HOMER1: variants seen among roughly 807,000 people sequenced by gnomAD.
HOMER1 encodes homer scaffold protein 1.
HOMER1 carries 3 observed loss-of-function variants against 48.9 expected under a neutral mutation model. The ratio of observed to expected loss-of-function variants is 0.06; its 90% CI spans 0.03 to 0.16. HOMER1 has a LOEUF of 0.16. Among genes scored for constraint, HOMER1 ranks in the 10% least tolerant of loss-of-function variants. The pLI is 1.00. For missense variants in HOMER1, 247 were observed against 411.4 expected (o/e 0.60, Z 3.46); for synonymous variants, 134 against 146.4 (o/e 0.92, Z 0.61).
intron 3 of HOMER1, among the ~76,000 whole-genome samples, chr5:79,449,322 A>T (rs761878890): frequency 6.6e-6 from 1 of 152,250 alleles, no homozygotes; most frequent in Non-Finnish European, 1.5e-5. Context: ...TAATTTCTCA[A>T]CAGAACTGTT....
rs1327022134 is a variant in HOMER1, at chr5:79,457,127, A to G, written c.6-109T>C. 6.8e-6 allele frequency: 7 copies of G among 1,027,150 alleles called. 1 individual carries two copies. The highest frequency in any genetic ancestry group is 4.2e-5 in the Admixed American group (2 of 47,686). 63.6% of individuals were successfully genotyped at this position (1,027,150 alleles called of 1,614,324 possible). On this transcript the variant is annotated intron_variant, in intron 1 of 8. Transcript: ENST00000334082. ...ATTCTGCTTAATCAACAATTTCCACATACCTGAAAGTAAGAGAAACTTTCA... is the reference window on the plus strand; with the variant it reads ...ATTCTGCTTAATCAACAATTTCCACGTACCTGAAAGTAAGAGAAACTTTCA...
chr5:79,511,548 G>A (rs1752942239), intron 1 of HOMER1, among the ~76,000 whole-genome samples: 1 of 152,200 alleles, frequency 6.6e-6, no homozygotes, highest in Non-Finnish European at 1.5e-5. Context: ...ACTAATAGCA[G>A]CGCTAGAAAT....
At chr5:79,471,061 G>A (rs1271054960) in intron 1 of HOMER1, among the ~76,000 whole-genome samples, 6 of 152,144 alleles carry the variant, frequency 3.9e-5, no homozygotes, top group African/African-American at 1.4e-4. Context: ...GGGGTGGGGA[G>A]GCAGGATAAA....
intron 1 of HOMER1, among the ~76,000 whole-genome samples, chr5:79,501,144 T>C (rs1361201234): frequency 1.3e-4 from 20 of 151,186 alleles, no homozygotes; most frequent in Non-Finnish European, 1.5e-5. Flanking sequence ...CTAATGTTTG[T>C]ATTTTTTGTA....
intron 5 of HOMER1, among the ~76,000 whole-genome samples, chr5:79,406,490 C>G (rs1749666263): frequency 6.6e-6 from 1 of 152,200 alleles, no homozygotes; most frequent in African/African-American, 2.4e-5. Flanking sequence ...CCACAGACTT[C>G]TATCAGGTTC....
At chr5:79,503,042 C>G (rs1044338947) in intron 1 of HOMER1, among the ~76,000 whole-genome samples, 4 of 152,092 alleles carry the variant, frequency 2.6e-5, no homozygotes, top group Non-Finnish European at 4.4e-5. Flanking sequence ...CCGCCTTGGC[C>G]TCCCAAAGTG....
chr5:79,411,253 G>A (rs1436774673), intron 5 of HOMER1, among the ~76,000 whole-genome samples: 3 of 152,204 alleles, frequency 2.0e-5, no homozygotes, highest in African/African-American at 7.2e-5. Flanking sequence ...GGGAGGTAGA[G>A]GAGGGCAGAT....
At position 79,396,881 on chromosome 5, in the gene HOMER1, T is replaced by C. The variant is rs373906742; in HGVS notation, c.818A>G (p.Glu273Gly). The C allele has an allele frequency of 1.9e-6, 3 of 1,599,776 alleles. No homozygotes were observed. The highest frequency in any genetic ancestry group is 2.6e-6 in the Non-Finnish European group (3 of 1,168,956). The stretch of plus-strand genomic sequence containing the variant: ...TTGTAGTTCTCTGGCATTATCAATT[T>C]CTTGTTTTAACCTTTCTATTTCCTA... ...KEEEIERLKQ[E>G]IDNARELQEQ... The change falls in exon 8 of 9, where the codon GAA becomes GGA. Residue 273 changes from glutamate (E) to glycine (G), a missense_variant. Glu to Gly is a moderately conservative substitution (Grantham distance 98). Around this residue, in one of 4 missense-constraint regions of HOMER1, gnomAD observed 113 missense variants for 152.5 expected, o/e 0.74. Transcript: ENST00000334082.
intron 8 of HOMER1, among the ~76,000 whole-genome samples, chr5:79,378,049 G>A (rs1047640076): frequency 6.6e-6 from 1 of 151,826 alleles, no homozygotes; most frequent in Admixed American, 6.6e-5. Context: ...GAATCCCTTC[G>A]TCTCTACTAA....
intron 1 of HOMER1, among the ~76,000 whole-genome samples, chr5:79,508,056 T>C (rs1326932366): frequency 2.6e-5 from 4 of 152,208 alleles, no homozygotes; most frequent in Admixed American, 6.5e-5. Context: ...CCAGCCAGAG[T>C]TCATTGTTCT....
At chr5:79,465,117 G>A (rs1237148965) in intron 1 of HOMER1, among the ~76,000 whole-genome samples, 5 of 152,060 alleles carry the variant, frequency 3.3e-5, no homozygotes, top group South Asian at 4.2e-4. Flanking sequence ...CGGGAGGATC[G>A]CTTGAGCCCA....
intron 8 of HOMER1, among the ~76,000 whole-genome samples, chr5:79,379,115 A>ATATATATATATATATATATAATATATAT (rs1349080228): frequency 1.8e-5 from 1 of 55,622 alleles, no homozygotes; most frequent in Non-Finnish European, 3.6e-5. Context: ...TATATATATA[A>ATATATATATATATATATATAATATATAT]AATATATAAA....
At chr5:79,433,272 T>C (rs1580448053) in intron 5 of HOMER1, among the ~76,000 whole-genome samples, 1 of 152,268 alleles carries the variant, frequency 6.6e-6, no homozygotes, top group Non-Finnish European at 1.5e-5. Flanking sequence ...CCAAACTATA[T>C]TTAAGATCAG....
intron 8 of HOMER1, among the ~76,000 whole-genome samples, chr5:79,392,350 T>C (rs1749274153): frequency 6.6e-6 from 1 of 152,114 alleles, no homozygotes. Flanking sequence ...GATGTGGAGG[T>C]AGAAAACAGT....
At chr5:79,380,379 T>C (rs995956956) in intron 8 of HOMER1, among the ~76,000 whole-genome samples, 1 of 152,192 alleles carries the variant, frequency 6.6e-6, no homozygotes, top group Non-Finnish European at 1.5e-5. Context: ...AGCCCAACAG[T>C]GCTGTAGCTA....
intron 1 of HOMER1, among the ~76,000 whole-genome samples, chr5:79,512,206 A>C (rs1433746026): frequency 6.6e-6 from 1 of 152,226 alleles, no homozygotes; most frequent in Non-Finnish European, 1.5e-5. Context: ...TACCGTGGTG[A>C]CCGCATCAGT....
At chr5:79,443,289 G>T (rs1750787542) in intron 4 of HOMER1, among the ~76,000 whole-genome samples, 1 of 152,082 alleles carries the variant, frequency 6.6e-6, no homozygotes, top group Non-Finnish European at 1.5e-5. Flanking sequence ...ACTCACAACT[G>T]AATTAGGCAT....
At chr5:79,511,014 C>A in intron 1 of HOMER1, 1 of 335,758 alleles carries the variant, frequency 3.0e-6, no homozygotes. Flanking sequence ...AAACCTCAGG[C>A]AGGGAAAAAA....
intron 8 of HOMER1, among the ~76,000 whole-genome samples, chr5:79,385,165 A>C (rs1749076961): frequency 6.6e-6 from 1 of 152,142 alleles, no homozygotes; most frequent in South Asian, 2.1e-4. Flanking sequence ...CTAGAAGAAA[A>C]CTTTAAAAAA....
Sources: gnomAD v4.1 joint callset for allele counts (sites outside exome capture counted in the v4.1 genomes callset) on GRCh38, gnomAD v4.1.1 for gene constraint, gnomAD v4.1.1 regional missense constraint, MANE v1.5 for transcripts, NCBI Gene and HGNC (gene_info 2026-07-23, HGNC 2026-07-21) for gene names.